PCDH9: variants seen among roughly 807,000 people sequenced by gnomAD.
PCDH9 encodes the protein protocadherin-9.
Under a neutral mutation model 70.6 loss-of-function variants are expected in PCDH9, and 24 were observed. That is an observed-to-expected ratio of 0.34 (90% CI 0.25 to 0.48). The LOEUF is 0.48. Among genes scored for constraint, PCDH9 ranks in the 20% least tolerant of loss-of-function variants. The probability of loss-of-function intolerance (pLI) is 0.99; values close to 1 mark genes in which losing one functional copy is unlikely to be tolerated. For synonymous variants in PCDH9, 562 were observed against 558.5 expected (o/e 1.01, Z -0.09); for missense variants, 1,281 against 1,503.6 (o/e 0.85, Z 2.45).
intron 2 of PCDH9, among the ~76,000 whole-genome samples, chr13:67,087,583 G>A (rs151306100): frequency 1.4e-4 from 22 of 152,200 alleles, no homozygotes; most frequent in African/African-American, 4.6e-4. Flanking sequence ...ACATTTTGGA[G>A]CTGTAAAATA....
intron 2 of PCDH9, among the ~76,000 whole-genome samples, chr13:67,133,943 T>G (rs1269749033): frequency 6.6e-6 from 1 of 152,040 alleles, no homozygotes; most frequent in African/African-American, 2.4e-5. Flanking sequence ...ATAGTCAAAT[T>G]TCATTAAAAA....
At chr13:67,147,521 G>A (rs1003511191) in intron 2 of PCDH9, among the ~76,000 whole-genome samples, 5 of 152,096 alleles carry the variant, frequency 3.3e-5, no homozygotes, top group Non-Finnish European at 7.4e-5. Flanking sequence ...GAGAGTCTAC[G>A]CTTGCCTTAC....
intron 3 of PCDH9, among the ~76,000 whole-genome samples, chr13:66,867,472 T>A (rs1192807654): frequency 6.6e-6 from 1 of 152,120 alleles, no homozygotes; most frequent in African/African-American, 2.4e-5. Flanking sequence ...AGGACATAAT[T>A]TAATATTTTC....
chr13:66,873,940 CT>C (rs528441546), intron 3 of PCDH9, among the ~76,000 whole-genome samples: 4,291 of 110,918 alleles, frequency 0.039, 153 homozygotes, highest in African/African-American at 0.13. Context: ...TTCTTTCTTT[CT>C]TTTTTTTTTT....
chr13:66,744,542 G>A lies in PCDH9; in HGVS notation c.3139-113131C>T, dbSNP rs948384724. Among the ~76,000 whole-genome samples the A allele has an allele frequency of 1.7e-4, 26 of 152,198 alleles. 1 individual carries two copies. The East Asian group carries it at 5.0e-3, about 29-fold the overall frequency. On this transcript the variant is annotated intron_variant, in intron 3 of 4. Transcript: ENST00000377865. ...CCACACACAAAACATGTTCACATGA[G>A]AAAATACATTCCCAGTACTTGTTTA... is the stretch of plus-strand genomic sequence containing the variant.
chr13:67,061,292 T>A (rs1249259748), intron 2 of PCDH9, among the ~76,000 whole-genome samples: 1 of 151,772 alleles, frequency 6.6e-6, no homozygotes, highest in Non-Finnish European at 1.5e-5. Context: ...ATCAACAGGC[T>A]TTTTTTTCTG....
chr13:67,158,514 T>C (rs953489871), intron 2 of PCDH9, among the ~76,000 whole-genome samples: 7 of 152,178 alleles, frequency 4.6e-5, no homozygotes, highest in Non-Finnish European at 2.9e-5. Context: ...AGGGCCCTCA[T>C]GAGTAGGTTA....
At chr13:67,229,186 A>G (rs967848622) in intron 1 of PCDH9, among the ~76,000 whole-genome samples, 8 of 152,194 alleles carry the variant, frequency 5.3e-5, no homozygotes, top group African/African-American at 1.9e-4. Flanking sequence ...AAGCACAACA[A>G]CAAGACTTCA....
intron 2 of PCDH9, among the ~76,000 whole-genome samples, chr13:66,996,624 A>C (rs1447669409): frequency 6.6e-6 from 1 of 152,238 alleles, no homozygotes; most frequent in Non-Finnish European, 1.5e-5. Flanking sequence ...AATTAAGTTT[A>C]TGTGTATGCT....
Position 67,229,807 on chromosome 13 carries a change from C to G in PCDH9, c.-163G>C, listed in dbSNP as rs369103515. On this transcript the variant is annotated 5_prime_UTR_variant, in exon 1 of 5. Coordinates refer to ENST00000377865, the MANE Select transcript of PCDH9 (RefSeq NM_203487.3). The stretch of plus-strand genomic sequence containing the variant: ...TAGTTGCCTCAACCTTTCCCCTTTC[C>G]CAGTATGCTGCAGTTAGGAATGATT... 15 of 152,346 alleles carry G rather than the reference C, an allele frequency of 9.8e-5. No homozygotes were observed. Among genetic ancestry groups the G allele is most frequent in the African/African-American group, 3.6e-4 (15 of 41,560 alleles). The allele number at this position is 152,346 out of a possible 1,614,324, so 9.4% of individuals were successfully genotyped here. A position where few individuals can be genotyped will look rare whatever the true frequency, so the allele number is the denominator to read the frequency against.
chr13:67,077,102 C>T (rs190709409), intron 2 of PCDH9, among the ~76,000 whole-genome samples: 4 of 152,292 alleles, frequency 2.6e-5, no homozygotes, highest in Non-Finnish European at 5.9e-5. Flanking sequence ...GGACAGATCA[C>T]AGCCTTCTTC....
chr13:67,074,847 T>A (rs1328320140), intron 2 of PCDH9, among the ~76,000 whole-genome samples: 1 of 152,124 alleles, frequency 6.6e-6, no homozygotes, highest in Non-Finnish European at 1.5e-5. Flanking sequence ...AAAAAAGAAA[T>A]TTTTTAATAG....
intron 2 of PCDH9, among the ~76,000 whole-genome samples, chr13:67,095,005 T>C (rs2086291831): frequency 1.3e-5 from 2 of 152,186 alleles, no homozygotes; most frequent in Non-Finnish European, 2.9e-5. Flanking sequence ...ATAGGAAAAC[T>C]GTGAAACATT....
intron 2 of PCDH9, among the ~76,000 whole-genome samples, chr13:67,149,084 A>C (rs1023454887): frequency 1.3e-5 from 2 of 152,186 alleles, no homozygotes; most frequent in African/African-American, 4.8e-5. Context: ...CTAACCTACT[A>C]CATGGCACCA....
At chr13:66,921,313 A>G (rs1012371507) in intron 2 of PCDH9, among the ~76,000 whole-genome samples, 1 of 151,264 alleles carries the variant, frequency 6.6e-6, no homozygotes, top group African/African-American at 2.4e-5. Context: ...GAACTATGCA[A>G]GCAGACATTG....
At chr13:66,910,171 T>G (rs1022642002) in intron 2 of PCDH9, among the ~76,000 whole-genome samples, 1 of 152,178 alleles carries the variant, frequency 6.6e-6, no homozygotes. Flanking sequence ...CAACAAGCCA[T>G]TTTATTTTTT....
intron 3 of PCDH9, among the ~76,000 whole-genome samples, chr13:66,638,500 T>C (rs983081635): frequency 6.6e-6 from 1 of 152,190 alleles, no homozygotes; most frequent in Non-Finnish European, 1.5e-5. Context: ...AATAGAAAAG[T>C]ATCAAAGACT....
intron 3 of PCDH9, among the ~76,000 whole-genome samples, chr13:66,821,816 G>A (rs188728285): frequency 2.6e-5 from 4 of 152,216 alleles, no homozygotes; most frequent in Admixed American, 2.6e-4. Flanking sequence ...CAACATGTCT[G>A]GAAGATTTAG....
At chr13:66,619,936 T>A (rs981748274) in intron 4 of PCDH9, among the ~76,000 whole-genome samples, 1 of 152,166 alleles carries the variant, frequency 6.6e-6, no homozygotes, top group Non-Finnish European at 1.5e-5. Flanking sequence ...TCACTTTCTA[T>A]GTTGTCAGTT....
Sources: gnomAD v4.1 joint callset for allele counts (sites outside exome capture counted in the v4.1 genomes callset) on GRCh38, gnomAD v4.1.1 for gene constraint, MANE v1.5 for transcripts, NCBI Gene and HGNC (gene_info 2026-07-23, HGNC 2026-07-21) for gene names.